Variants in RBFOX2 observed in about 807,000 individuals in gnomAD.
RBFOX2 encodes RNA binding protein fox-1 homolog 2.
Under a neutral mutation model 49.1 loss-of-function variants are expected in RBFOX2, and 10 were observed. The ratio of observed to expected loss-of-function variants is 0.20; its 90% confidence interval spans 0.13 to 0.35. The LOEUF (loss-of-function observed/expected upper bound fraction) is 0.35. Ranked by LOEUF, RBFOX2 falls within the 10% of genes least tolerant of loss-of-function variation. The pLI, the probability that RBFOX2 is intolerant of heterozygous loss-of-function variation, is 1.00. For missense variants in RBFOX2, 323 were observed against 486.9 expected (o/e 0.66, Z 3.17); for synonymous variants, 183 against 187.4 (o/e 0.98, Z 0.19).
intron 1 of RBFOX2, among the ~76,000 whole-genome samples, chr22:35,879,124 G>C (rs931262660): frequency 1.3e-5 from 2 of 152,190 alleles, no homozygotes; most frequent in Non-Finnish European, 2.9e-5. Flanking sequence ...GGAAACATTT[G>C]AGCAAAAATT....
intron 1 of RBFOX2, chr22:35,993,138 GT>G (rs1337388351): frequency 6.6e-6 from 1 of 152,126 alleles, no homozygotes; most frequent in Non-Finnish European, 1.5e-5. Context: ...GCATATACAA[GT>G]GTTAAAAGCC....
At chr22:35,745,230 G>A (rs992779031) in intron 11 of RBFOX2, among the ~76,000 whole-genome samples, 6 of 152,190 alleles carry the variant, frequency 3.9e-5, no homozygotes, top group Non-Finnish European at 4.4e-5. Flanking sequence ...AGCCCTGGCA[G>A]AGGTGTCACT....
rs1371135474 is a variant in RBFOX2 at position 35,887,686 on chromosome 22, CT to C, written c.-34+51160del. ...CCTGTCCCCTGCTAAATAGGGCTCC[CT>C]GATTTCATCTCCATTGTTAGTCTTA... is the stretch of plus-strand genomic sequence containing the variant. On this transcript the variant is annotated intron_variant, in intron 1 of 13. Coordinates refer to the RBFOX2 transcript ENST00000359369. Among the ~76,000 whole-genome samples the C allele has an allele frequency of 5.9e-5, 9 of 152,230 alleles. No homozygotes were observed. The South Asian group carries it at 1.9e-3, about 32-fold the overall frequency.
At chr22:35,876,697 AAGAAACAC>A (rs994035476) in intron 1 of RBFOX2, among the ~76,000 whole-genome samples, 6 of 139,018 alleles carry the variant, frequency 4.3e-5, no homozygotes, top group African/African-American at 1.7e-4. Context: ...CTCCCATTAA[AAGAAACAC>A]ACACACACAC....
intron 1 of RBFOX2, chr22:35,898,046 C>T (rs950138943): frequency 5.5e-6 from 4 of 728,680 alleles, no homozygotes; most frequent in Admixed American, 3.6e-5. Flanking sequence ...CTGTGTTCCA[C>T]TACTCGTCAG....
chr22:35,954,744 G>T (rs1359321871), intron 1 of RBFOX2, among the ~76,000 whole-genome samples: 1 of 152,170 alleles, frequency 6.6e-6, no homozygotes, highest in Non-Finnish European at 1.5e-5. Flanking sequence ...GAATGCAAAG[G>T]AAAATAAGCT....
At chr22:35,942,309 T>C (rs903835777), upstream of RBFOX2, among the ~76,000 whole-genome samples, 2 of 152,066 alleles carry the variant, frequency 1.3e-5, no homozygotes, top group East Asian at 1.9e-4. Flanking sequence ...TCACACCTAA[T>C]AGTAGGAATA....
chr22:35,778,156 T>G lies in RBFOX2; in HGVS notation c.400-78A>C. ...ATTTTGTTATCTTCTGAAATGGGAA[T>G]AGTTTATTTTTCTTCTTCAGTAAAC... On this transcript the variant is annotated intron_variant, in intron 3 of 11. Coordinates refer to ENST00000405409, the Ensembl canonical transcript of RBFOX2. 4.2e-6 allele frequency: 5 copies of G among 1,195,286 alleles called. No individual in the cohort carries two copies. The East Asian group carries it at 1.2e-4, about 28-fold the overall frequency. The allele number at this position is 1,195,286 out of a possible 1,614,324, so 74.0% of individuals were successfully genotyped here. A position where few individuals can be genotyped will look rare whatever the true frequency, so the allele number is the denominator to read the frequency against.
At chr22:36,001,907 T>C (rs1189250623) in intron 1 of RBFOX2, among the ~76,000 whole-genome samples, 1 of 151,898 alleles carries the variant, frequency 6.6e-6, no homozygotes, top group Non-Finnish European at 1.5e-5. Flanking sequence ...CTACTAAAAA[T>C]ACAAAAATTA....
At chr22:35,791,805 G>T (rs992155210) in intron 2 of RBFOX2, among the ~76,000 whole-genome samples, 2 of 152,096 alleles carry the variant, frequency 1.3e-5, no homozygotes, top group Admixed American at 1.3e-4. Flanking sequence ...AATGGGAGGG[G>T]GTGGTGATCT....
chr22:35,872,225 T>A (rs2044448134), intron 1 of RBFOX2, among the ~76,000 whole-genome samples: 1 of 152,170 alleles, frequency 6.6e-6, no homozygotes, highest in Non-Finnish European at 1.5e-5. Flanking sequence ...CCCTTGCTTC[T>A]TCAGTGCCCC....
intron 1 of RBFOX2, among the ~76,000 whole-genome samples, chr22:36,027,567 A>C (rs889423110): frequency 6.6e-6 from 1 of 152,088 alleles, no homozygotes; most frequent in Non-Finnish European, 1.5e-5. Context: ...TGTCCTGGTG[A>C]TGTAGAATGC....
upstream of RBFOX2, among the ~76,000 whole-genome samples, chr22:35,965,508 G>A (rs1047586673): frequency 6.6e-6 from 1 of 152,142 alleles, no homozygotes; most frequent in Non-Finnish European, 1.5e-5. Flanking sequence ...GCTGTTAGTG[G>A]CTGAGACCCT....
chr22:35,955,325 A>T (rs2055415949), intron 1 of RBFOX2, among the ~76,000 whole-genome samples: 1 of 152,216 alleles, frequency 6.6e-6, no homozygotes, highest in Non-Finnish European at 1.5e-5. Context: ...GAGTACTTTT[A>T]AAAATATGTT....
chr22:35,942,183 C>T (rs534250359), upstream of RBFOX2, among the ~76,000 whole-genome samples: 1 of 152,188 alleles, frequency 6.6e-6, no homozygotes, highest in South Asian at 2.1e-4. Flanking sequence ...GGTTTTTGTG[C>T]TCACACCATG....
intron 1 of RBFOX2, among the ~76,000 whole-genome samples, chr22:35,891,408 C>T (rs1054942421): frequency 1.4e-4 from 22 of 152,180 alleles, no homozygotes; most frequent in African/African-American, 4.3e-4. Flanking sequence ...GCTAGGATTA[C>T]AGGCGTGAGC....
At chr22:35,746,126 G>A in intron 10 of RBFOX2, 131 bp from the exon 13 acceptor site, 1 of 821,046 alleles carries the variant, frequency 1.2e-6, no homozygotes, top group East Asian at 2.5e-5. Flanking sequence ...GAATTACAAG[G>A]AATAGGAAAA....
At chr22:35,856,954 C>A (rs1032373850) in intron 1 of RBFOX2, among the ~76,000 whole-genome samples, 1 of 152,184 alleles carries the variant, frequency 6.6e-6, no homozygotes, top group Admixed American at 6.5e-5. Flanking sequence ...ATTGCCTGAA[C>A]CCGGGAGGCA....
At chr22:35,923,854 C>A (rs975359928) in intron 1 of RBFOX2, among the ~76,000 whole-genome samples, 1 of 151,942 alleles carries the variant, frequency 6.6e-6, no homozygotes, top group Non-Finnish European at 1.5e-5. Context: ...ATAACTATCA[C>A]CCCTTAGTAA....
Sources: gnomAD v4.1 joint callset for allele counts (sites outside exome capture counted in the v4.1 genomes callset) on GRCh38, gnomAD v4.1.1 for gene constraint, MANE v1.5 for transcripts, NCBI Gene and HGNC (gene_info 2026-07-23, HGNC 2026-07-21) for gene names.